CSNK1G3: variants seen among roughly 807,000 people sequenced by gnomAD.
CSNK1G3 encodes the protein casein kinase I isoform gamma-3.
In CSNK1G3, 23 loss-of-function variants were observed where a neutral mutation model predicts 64.3. The ratio of observed to expected loss-of-function variants is 0.36; its 90% CI spans 0.26 to 0.51. CSNK1G3 has a LOEUF of 0.51. CSNK1G3 is among the 20% of genes least tolerant of loss of function. CSNK1G3 has a pLI of 0.96. For missense variants in CSNK1G3, 357 were observed against 510.5 expected (o/e 0.70, Z 2.90); for synonymous variants, 158 against 162.2 (o/e 0.97, Z 0.20).
At chr5:123,515,823 A>G (rs1436555390) in intron 1 of CSNK1G3, among the ~76,000 whole-genome samples, 2 of 152,092 alleles carry the variant, frequency 1.3e-5, no homozygotes, top group Non-Finnish European at 2.9e-5. Flanking sequence ...TAACAACAAT[A>G]CCTCCTATAA....
chr5:123,616,777 T>C (rs1581498224), exon 13 of CSNK1G3: 1 of 152,454 alleles, frequency 6.6e-6, no homozygotes, highest in Non-Finnish European at 1.5e-5. Context: ...TTAAACTTGC[T>C]CTTTCCCATT....
At chr5:123,564,256 G>T (rs1786375279) in intron 4 of CSNK1G3, among the ~76,000 whole-genome samples, 1 of 151,932 alleles carries the variant, frequency 6.6e-6, no homozygotes, top group Non-Finnish European at 1.5e-5. Flanking sequence ...GTTTTAGTTT[G>T]GTTTATATGG....
chr5:123,615,764 A>T (rs892136486), exon 13 of CSNK1G3: 17 of 152,240 alleles, frequency 1.1e-4, no homozygotes, highest in Admixed American at 2.0e-4. Flanking sequence ...ATTATTTTGA[A>T]TAAATCTCAT....
At chr5:123,570,895 G>A (rs1349547430) in intron 4 of CSNK1G3, among the ~76,000 whole-genome samples, 2 of 152,156 alleles carry the variant, frequency 1.3e-5, no homozygotes, top group Admixed American at 6.5e-5. Context: ...AGCTGTCGAT[G>A]TTGTGGTAGC....
At chr5:123,556,041 T>C (rs1784563210) in intron 3 of CSNK1G3, among the ~76,000 whole-genome samples, 1 of 152,114 alleles carries the variant, frequency 6.6e-6, no homozygotes, top group Non-Finnish European at 1.5e-5. Flanking sequence ...AGTAACTTGC[T>C]GAAAGTCACA....
intron 1 of CSNK1G3, among the ~76,000 whole-genome samples, chr5:123,517,190 G>T (rs1473482613): frequency 1.3e-5 from 2 of 152,156 alleles, no homozygotes; most frequent in Admixed American, 6.5e-5. Context: ...TAACCCACTC[G>T]TGAGATTAAA....
intron 1 of CSNK1G3, among the ~76,000 whole-genome samples, chr5:123,536,363 A>G (rs1780806767): frequency 6.6e-6 from 1 of 151,826 alleles, no homozygotes. Context: ...TATATATTTA[A>G]AATAACATGA....
intron 1 of CSNK1G3, among the ~76,000 whole-genome samples, chr5:123,530,934 T>C (rs935393250): frequency 6.6e-6 from 1 of 152,186 alleles, no homozygotes; most frequent in African/African-American, 2.4e-5. Flanking sequence ...ACTGGGACAC[T>C]TGCTGCTAAT....
intron 1 of CSNK1G3, among the ~76,000 whole-genome samples, chr5:123,532,609 C>T (rs1213190710): frequency 1.3e-5 from 2 of 151,672 alleles, no homozygotes; most frequent in Non-Finnish European, 3.0e-5. Flanking sequence ...TTAAGAACTC[C>T]ACAGCTGTCT....
chr5:123,530,423 C>CAGT (rs1779739971), intron 1 of CSNK1G3, among the ~76,000 whole-genome samples: 1 of 152,122 alleles, frequency 6.6e-6, no homozygotes, highest in Non-Finnish European at 1.5e-5. Context: ...TGCCATAATA[C>CAGT]AGTAGCTTTT....
chr5:123,564,725 G>A (rs1290444986), intron 4 of CSNK1G3, among the ~76,000 whole-genome samples: 1 of 152,112 alleles, frequency 6.6e-6, no homozygotes, highest in African/African-American at 2.4e-5. Flanking sequence ...AGAAAGGACT[G>A]TTGCTCTTTT....
intron 12 of CSNK1G3, among the ~76,000 whole-genome samples, chr5:123,609,587 T>G (rs907264977): frequency 6.6e-6 from 1 of 152,114 alleles, no homozygotes; most frequent in African/African-American, 2.4e-5. Flanking sequence ...GGTATAAAAA[T>G]TATAATACAA....
At chr5:123,566,480 AG>A (rs1280160150) in intron 4 of CSNK1G3, among the ~76,000 whole-genome samples, 1 of 152,170 alleles carries the variant, frequency 6.6e-6, no homozygotes, top group Non-Finnish European at 1.5e-5. Context: ...ACCAGGTGTA[AG>A]AACAAACCTT....
At chr5:123,566,391 G>C (rs1786880504) in intron 4 of CSNK1G3, among the ~76,000 whole-genome samples, 1 of 152,186 alleles carries the variant, frequency 6.6e-6, no homozygotes, top group African/African-American at 2.4e-5. Flanking sequence ...ACAGTGGATA[G>C]CTTTTTATAT....
At chr5:123,530,393 A>G (rs1779735290) in intron 1 of CSNK1G3, among the ~76,000 whole-genome samples, 1 of 152,164 alleles carries the variant, frequency 6.6e-6, no homozygotes, top group African/African-American at 2.4e-5. Context: ...ATAATATAGT[A>G]TGTTTTGATG....
At chr5:123,513,798 G>A (rs1212756650) in intron 1 of CSNK1G3, among the ~76,000 whole-genome samples, 5 of 152,108 alleles carry the variant, frequency 3.3e-5, no homozygotes, top group African/African-American at 1.2e-4. Context: ...TACAGAAATT[G>A]TGAGAATAAT....
At chr5:123,593,496 G>C (rs1041927654) in intron 10 of CSNK1G3, among the ~76,000 whole-genome samples, 3 of 151,938 alleles carry the variant, frequency 2.0e-5, no homozygotes, top group African/African-American at 7.2e-5. Context: ...TTGGGTACAT[G>C]TAATTGTTTA....
chr5:123,547,706 G>T (rs1402737759), intron 2 of CSNK1G3, among the ~76,000 whole-genome samples: 2 of 151,902 alleles, frequency 1.3e-5, no homozygotes, highest in East Asian at 3.9e-4. Context: ...ATATATCTGT[G>T]TATGTTTATT....
intron 8 of CSNK1G3, among the ~76,000 whole-genome samples, chr5:123,589,089 T>C (rs1400168882): frequency 6.6e-6 from 1 of 152,138 alleles, no homozygotes; most frequent in Non-Finnish European, 1.5e-5. Flanking sequence ...GAATAACTTG[T>C]TAGTATATTA....
Sources: gnomAD v4.1 joint callset for allele counts (sites outside exome capture counted in the v4.1 genomes callset) on GRCh38, gnomAD v4.1.1 for gene constraint, MANE v1.5 for transcripts, NCBI Gene and HGNC (gene_info 2026-07-23, HGNC 2026-07-21) for gene names.